The following FAM222A variants were observed in gnomAD, a reference collection of about 807,000 sequenced individuals.
FAM222A encodes protein FAM222A.
Under a neutral mutation model 25.8 loss-of-function variants are expected in FAM222A, and 7 were observed. That is an observed-to-expected ratio of 0.27 (90% CI 0.15 to 0.51). The LOEUF is 0.51. Among genes scored for constraint, FAM222A ranks in the 20% least tolerant of loss-of-function variants. The pLI, the probability that FAM222A is intolerant of heterozygous loss-of-function variation, is 0.97. For missense variants in FAM222A, 573 were observed against 640.5 expected (o/e 0.89, Z 1.14); for synonymous variants, 294 against 298.8 (o/e 0.98, Z 0.17).
In FAM222A at chr12:109,768,103, G is replaced by A. The variant is rs1452705385; in HGVS notation, c.174G>A (p.Leu58=). 6 of 1,613,964 alleles carry A rather than the reference G, an allele frequency of 3.7e-6. No homozygotes were observed. Residue 58 remains leucine (L), a synonymous_variant, in exon 3 of 3, where the codon CTG becomes CTA. Transcript: ENST00000538780. ...CCGAGAAGGTGGCCAACAGCCCGCTGTCCATCAAGATCTTCCCCACCAACA... is the reference window on the plus strand; with the variant it reads ...CCGAGAAGGTGGCCAACAGCCCGCTATCCATCAAGATCTTCCCCACCAACA... ...AYAEKVANSP[L]SIKIFPTNIR...
At chr12:109,731,751 C>T (rs1169983365) in intron 1 of FAM222A, among the ~76,000 whole-genome samples, 1 of 152,110 alleles carries the variant, frequency 6.6e-6, no homozygotes, top group Non-Finnish European at 1.5e-5. Context: ...GTCTCTGGGG[C>T]CCGTGTGTTC....
At chr12:109,758,378 T>C (rs925166407) in intron 2 of FAM222A, among the ~76,000 whole-genome samples, 7 of 152,220 alleles carry the variant, frequency 4.6e-5, no homozygotes, top group African/African-American at 1.7e-4. Context: ...TTCTGTCATT[T>C]CATCTCCATT....
At chr12:109,726,913 A>G (rs1169181497) in intron 1 of FAM222A, among the ~76,000 whole-genome samples, 1 of 152,008 alleles carries the variant, frequency 6.6e-6, no homozygotes, top group Non-Finnish European at 1.5e-5. Flanking sequence ...GTCTCACCAG[A>G]CCTCTGACAG....
intron 1 of FAM222A, among the ~76,000 whole-genome samples, chr12:109,723,430 C>T (rs1471561583): frequency 6.6e-6 from 1 of 152,238 alleles, no homozygotes; most frequent in Non-Finnish European, 1.5e-5. Context: ...CAGTCTTGAA[C>T]CTGCCATTGC....
At chr12:109,764,531 A>G (rs1888988131) in intron 2 of FAM222A, among the ~76,000 whole-genome samples, 1 of 152,234 alleles carries the variant, frequency 6.6e-6, no homozygotes, top group Non-Finnish European at 1.5e-5. Context: ...TAAACTCCAA[A>G]TGAAAGTATA....
intron 1 of FAM222A, among the ~76,000 whole-genome samples, chr12:109,738,139 A>C (rs1216752869): frequency 6.6e-6 from 1 of 152,092 alleles, no homozygotes; most frequent in Non-Finnish European, 1.5e-5. Flanking sequence ...GGAGCCCCTA[A>C]GGGGGTTGGG....
chr12:109,769,397 C>A lies in FAM222A; in HGVS notation c.*109C>A. ...GGCGCTCAGCCCCACCCTGTGCCTG[C>A]TGATGCCCACAGGGGAGCCAGGCTG... On this transcript the variant is annotated 3_prime_UTR_variant, in exon 3 of 3. Transcript: ENST00000538780. 1.5e-6 allele frequency: 2 copies of A among 1,330,028 alleles called. No individual in the cohort carries two copies. Among genetic ancestry groups the A allele is most frequent in the Non-Finnish European group, 2.0e-6 (2 of 994,992 alleles). 82.4% of individuals were successfully genotyped at this position (1,330,028 alleles called of 1,614,324 possible).
At chr12:109,730,079 T>C (rs1302028976) in intron 1 of FAM222A, among the ~76,000 whole-genome samples, 2 of 152,146 alleles carry the variant, frequency 1.3e-5, no homozygotes, top group Non-Finnish European at 2.9e-5. Context: ...CAGTCTGCCT[T>C]CGAGGTCCCT....
rs1478788980 is a variant in FAM222A, at chr12:109,714,332, G to A, written c.-612G>A. On this transcript the variant is annotated 5_prime_UTR_variant, in exon 1 of 3. Transcript: ENST00000538780. The surrounding 1 kb of genome is among the most constrained non-coding windows in gnomAD (Gnocchi z 4.2). ...TTCTTTGCAACCTGCAGGGGCCGGT[G>A]TATGTCCGGCGAGGAGCCGGGGCCG... 4 of 154,168 alleles carry A rather than the reference G, an allele frequency of 2.6e-5. No homozygotes were observed. Among genetic ancestry groups the A allele is most frequent in the African/African-American group, 9.6e-5 (4 of 41,554 alleles). The allele number at this position is 154,168 out of a possible 1,614,324, so 9.6% of individuals were successfully genotyped here. A position where few individuals can be genotyped will look rare whatever the true frequency, so the allele number is the denominator to read the frequency against.
At chr12:109,761,705 A>G (rs1888902757) in intron 2 of FAM222A, among the ~76,000 whole-genome samples, 1 of 152,200 alleles carries the variant, frequency 6.6e-6, no homozygotes, top group African/African-American at 2.4e-5. Context: ...AGCAAGTCCC[A>G]TTGCTTCTGA....
intron 1 of FAM222A, among the ~76,000 whole-genome samples, chr12:109,728,187 C>T (rs1411237746): frequency 3.9e-5 from 6 of 152,146 alleles, no homozygotes; most frequent in African/African-American, 1.4e-4. Flanking sequence ...TGAGCTACAG[C>T]AGTGGGTGGG....
chr12:109,768,987 T>C lies in FAM222A; in HGVS notation c.1058T>C (p.Leu353Pro). 6 of 1,574,426 alleles carry C rather than the reference T, an allele frequency of 3.8e-6. No homozygotes were observed. Among genetic ancestry groups the C allele is most frequent in the Non-Finnish European group, 4.3e-6 (5 of 1,163,872 alleles). ...QYFAAPWNSV[L>P]VTPTSDCYNP... ...TTTGCGGCCCCGTGGAACAGTGTGC[T>C]GGTGACACCCACCAGCGACTGCTAC... Residue 353 changes from leucine (L) to proline (P), a missense_variant, in exon 3 of 3, where the codon CTG (leucine) becomes CCG (proline). Around this residue, in one of 3 missense-constraint regions of FAM222A, gnomAD observed 412 missense variants for 407.0 expected, o/e 1.01. Transcript: ENST00000538780.
rs907707809 is a variant in FAM222A, at chr12:109,756,574, T to C, written c.83-11438T>C. 2.0e-5 allele frequency among the ~76,000 whole-genome samples: 3 copies of C among 152,190 alleles called. No individual in the cohort carries two copies. The South Asian group carries it at 6.2e-4, about 31-fold the overall frequency. On this transcript the variant is annotated intron_variant, in intron 2 of 2. Coordinates refer to ENST00000538780, the MANE Select transcript of FAM222A (RefSeq NM_032829.3). ...TTTTGAGTGTTTTTATCATGAGGGA[T>C]ATTGATTTGGCAAATGCTCTGTGTC...
rs1889158400 is a variant in FAM222A at position 109,769,011 on chromosome 12, A to G, written c.1082A>G (p.Tyr361Cys). 2.5e-6 allele frequency: 4 copies of G among 1,580,244 alleles called. No homozygotes were observed. Among genetic ancestry groups the G allele is most frequent in the African/African-American group, 1.3e-5 (1 of 74,288 alleles). ...CTGGTGACACCCACCAGCGACTGCT[A>G]CAACCCAGCGGCGGCGGTGGTGGTC... is the stretch of plus-strand genomic sequence containing the variant. ...SVLVTPTSDC[Y>C]NPAAAVVVTE... Residue 361 changes from tyrosine (Y) to cysteine (C), a missense_variant, in exon 3 of 3, where the codon TAC becomes TGC. This residue lies in a region of FAM222A where 412 missense variants were observed against 407.0 expected (regional missense o/e 1.01). Transcript: ENST00000538780.
Position 109,744,170 on chromosome 12 carries a change from C to G in FAM222A, c.24C>G (p.Thr8=), listed in dbSNP as rs1347738696. The part of the protein sequence containing the change: MLACLQR[T]QNAPGQHLAC... ...CCATGCTGGCCTGTCTGCAGAGGAC[C>G]CAGAACGCCCCGGGCCAACACCTGG... The change falls in exon 2 of 3, where the codon ACC becomes ACG. Residue 8 remains threonine, a synonymous_variant. Transcript: ENST00000538780. The G allele has an allele frequency of 1.9e-6, 3 of 1,613,288 alleles. No homozygotes were observed. In the African/African-American group the frequency reaches 4.0e-5, roughly 22 times the overall value.
intron 1 of FAM222A, chr12:109,734,026 A>C (rs1888011586): frequency 6.6e-6 from 1 of 152,382 alleles, no homozygotes; most frequent in African/African-American, 2.4e-5. Flanking sequence ...CAGCCTGGGC[A>C]ACATAGCAAG....
In FAM222A at chr12:109,768,391, G is replaced by A. The variant is rs754865759; in HGVS notation, c.462G>A (p.Leu154=). The change falls in exon 3 of 3, where the codon CTG becomes CTA. Residue 154 remains leucine, a synonymous_variant. Transcript: ENST00000538780. ...GIAPYPVPST[L]GPLAYPKPPE... is the part of the protein sequence containing the mutation. ...CGCCCTACCCAGTGCCCAGCACTCTGGGTCCCTTGGCCTACCCCAAGCCAC... is the reference window on the plus strand; with the variant it reads ...CGCCCTACCCAGTGCCCAGCACTCTAGGTCCCTTGGCCTACCCCAAGCCAC... 8.8e-6 allele frequency: 14 copies of A among 1,597,914 alleles called. No homozygotes were observed. The highest frequency in any genetic ancestry group is 8.4e-5 in the Admixed American group (5 of 59,630).
chr12:109,733,375 T>C (rs1483388202), intron 1 of FAM222A, among the ~76,000 whole-genome samples: 1 of 152,204 alleles, frequency 6.6e-6, no homozygotes, highest in African/African-American at 2.4e-5. Context: ...CTAGAAAATG[T>C]ACAATTACAT....
chr12:109,721,618 C>T (rs763282974), intron 1 of FAM222A, among the ~76,000 whole-genome samples: 1 of 152,084 alleles, frequency 6.6e-6, no homozygotes, highest in Non-Finnish European at 1.5e-5. Flanking sequence ...GCCTCTGGCC[C>T]GTCTCCATGT....
Sources: gnomAD v4.1 joint callset for allele counts (sites outside exome capture counted in the v4.1 genomes callset) on GRCh38, gnomAD v4.1.1 for gene constraint, gnomAD v4.1.1 regional missense constraint, Gnocchi (gnomAD v3.1) non-coding constraint, MANE v1.5 for transcripts, NCBI Gene and HGNC (gene_info 2026-07-23, HGNC 2026-07-21) for gene names.